The following XRCC4 variants were observed in gnomAD, a reference collection of about 807,000 sequenced individuals.
XRCC4 encodes the protein X-ray repair cross complementing 4, also known as DNA repair protein XRCC4.
Under a neutral mutation model 39.1 loss-of-function variants are expected in XRCC4, and 28 were observed. The ratio of observed to expected loss-of-function variants is 0.72; its 90% CI spans 0.53 to 0.98. The LOEUF (loss-of-function observed/expected upper bound fraction) is 0.98. XRCC4 is among the 50% of genes least tolerant of loss of function. XRCC4 has a pLI of 0.00. For missense variants in XRCC4, 350 were observed against 376.4 expected (o/e 0.93, Z 0.58); for synonymous variants, 123 against 126.4 (o/e 0.97, Z 0.18).
chr5:83,345,235 T>A (rs1475898924), intron 7 of XRCC4, among the ~76,000 whole-genome samples: 2 of 152,168 alleles, frequency 1.3e-5, no homozygotes, highest in African/African-American at 2.4e-5. Context: ...ATTCAGTGTA[T>A]CAATCTTTAT....
At chr5:83,281,647 A>T (rs1754543627) in intron 7 of XRCC4, among the ~76,000 whole-genome samples, 1 of 152,090 alleles carries the variant, frequency 6.6e-6, no homozygotes, top group Non-Finnish European at 1.5e-5. Context: ...TCTTAAATTT[A>T]CTACAGTTTC....
intron 6 of XRCC4, among the ~76,000 whole-genome samples, chr5:83,240,598 T>C (rs553898116): frequency 3.9e-5 from 6 of 152,248 alleles, no homozygotes; most frequent in Admixed American, 3.9e-4. Flanking sequence ...TGCTTACATA[T>C]TGAACTCTTA....
intron 7 of XRCC4, among the ~76,000 whole-genome samples, chr5:83,268,644 G>A (rs1419210445): frequency 6.6e-6 from 1 of 152,112 alleles, no homozygotes; most frequent in Non-Finnish European, 1.5e-5. Context: ...CTGGACATGT[G>A]TTTTGATTGT....
intron 3 of XRCC4, among the ~76,000 whole-genome samples, chr5:83,178,447 G>A (rs1750059179): frequency 6.6e-6 from 1 of 152,056 alleles, no homozygotes; most frequent in Non-Finnish European, 1.5e-5. Context: ...TCACAGGGCT[G>A]GCACCAAAAC....
chr5:83,372,815 G>A, the XRCC4 span, among the ~76,000 whole-genome samples: 6 of 152,216 alleles, frequency 3.9e-5, no homozygotes, highest in East Asian at 5.8e-4. Flanking sequence ...GCCACTGGAC[G>A]ATCATTTAAA....
At chr5:83,139,108 T>C (rs1748039378) in intron 3 of XRCC4, among the ~76,000 whole-genome samples, 1 of 152,166 alleles carries the variant, frequency 6.6e-6, no homozygotes, top group Non-Finnish European at 1.5e-5. Flanking sequence ...AAGATCTTTT[T>C]CTTGTCTAGC....
intron 3 of XRCC4, among the ~76,000 whole-genome samples, chr5:83,182,220 C>A (rs1750238435): frequency 6.6e-6 from 1 of 152,024 alleles, no homozygotes; most frequent in African/African-American, 2.4e-5. Flanking sequence ...TATTTAATAC[C>A]CTCCTCTGCA....
intron 6 of XRCC4, among the ~76,000 whole-genome samples, chr5:83,249,666 G>T (rs1162021282): frequency 6.6e-6 from 1 of 151,998 alleles, no homozygotes. Flanking sequence ...TTAGTGATCA[G>T]AGAGAGAGAG....
At chr5:83,312,969 C>T (rs770113072) in intron 7 of XRCC4, among the ~76,000 whole-genome samples, 123 of 152,082 alleles carry the variant, frequency 8.1e-4, no homozygotes, top group South Asian at 4.2e-4. Flanking sequence ...ATTCATTTTG[C>T]GGATGCTGAG....
chr5:83,250,728 C>A (rs943958568), intron 6 of XRCC4, among the ~76,000 whole-genome samples: 2 of 152,254 alleles, frequency 1.3e-5, no homozygotes, highest in Middle Eastern at 3.4e-3. Context: ...CGTGAGCTAG[C>A]CCTTTAATTT....
At chr5:83,152,660 GAACTTCAAAT>G (rs1748768736) in intron 3 of XRCC4, among the ~76,000 whole-genome samples, 2 of 146,416 alleles carry the variant, frequency 1.4e-5, no homozygotes, top group Non-Finnish European at 3.0e-5. Flanking sequence ...AAAAGAAATA[GAACTTCAAAT>G]ATATTTCAAA....
At chr5:83,135,680 C>T (rs1022695612) in intron 3 of XRCC4, among the ~76,000 whole-genome samples, 3 of 151,974 alleles carry the variant, frequency 2.0e-5, no homozygotes, top group Non-Finnish European at 2.9e-5. Flanking sequence ...TCTTTACATT[C>T]GCTAATCTTT....
At chr5:83,205,688 T>G (rs1252583924) in intron 6 of XRCC4, among the ~76,000 whole-genome samples, 2 of 152,164 alleles carry the variant, frequency 1.3e-5, no homozygotes, top group Non-Finnish European at 2.9e-5. Flanking sequence ...CACAAAAATC[T>G]GTGCCATTGT....
At chr5:83,124,136 CTTG>C (rs765135578) in intron 3 of XRCC4, among the ~76,000 whole-genome samples, 7 of 152,016 alleles carry the variant, frequency 4.6e-5, no homozygotes, top group Non-Finnish European at 8.8e-5. Flanking sequence ...TTTTATTGTT[CTTG>C]TTGTTGTTTC....
intron 1 of XRCC4, among the ~76,000 whole-genome samples, chr5:83,081,908 T>C (rs564181055): frequency 6.6e-6 from 1 of 152,290 alleles, no homozygotes; most frequent in South Asian, 2.1e-4. Context: ...ACTCCTTTCC[T>C]CCCAAACCTT....
At chr5:83,112,657 A>G (rs886737863) in intron 3 of XRCC4, among the ~76,000 whole-genome samples, 4 of 152,180 alleles carry the variant, frequency 2.6e-5, no homozygotes, top group South Asian at 4.1e-4. Flanking sequence ...ACAGTTCCAT[A>G]TGGCTGGGGA....
Position 83,193,621 on chromosome 5 carries a change from G to A in XRCC4, c.316-2149G>A, listed in dbSNP as rs553948861. Among the ~76,000 whole-genome samples the A allele has an allele frequency of 4.9e-4, 75 of 152,220 alleles. 1 individual carries two copies. The highest frequency in any genetic ancestry group is 1.8e-3 in the African/African-American group (74 of 41,554). Reference sequence around the variant, plus strand: ...GATAGAAGTGTAGAGGGCTGGACTTGTTTATCTCTTCATTTGTATTTTACT... The same window carrying A: ...GATAGAAGTGTAGAGGGCTGGACTTATTTATCTCTTCATTTGTATTTTACT... On this transcript the variant is annotated intron_variant, in intron 3 of 7. Coordinates refer to ENST00000396027, the MANE Select transcript of XRCC4 (RefSeq NM_003401.5).
At chr5:83,283,010 A>T (rs1754601068) in intron 7 of XRCC4, among the ~76,000 whole-genome samples, 1 of 151,174 alleles carries the variant, frequency 6.6e-6, no homozygotes, top group East Asian at 1.9e-4. Context: ...TGTGTTTTCC[A>T]TATTGTCTAC....
intron 7 of XRCC4, chr5:83,259,078 CCTT>C (rs1445915195): frequency 5.4e-6 from 1 of 184,498 alleles, no homozygotes; most frequent in Non-Finnish European, 1.1e-5. Context: ...TAAAATGTCT[CCTT>C]CTCATCATCT....
Sources: allele counts gnomAD v4.1 joint callset (sites outside exome capture counted in the v4.1 genomes callset), GRCh38; gene constraint gnomAD v4.1.1; transcripts MANE v1.5; gene names NCBI Gene and HGNC (gene_info 2026-07-23, HGNC 2026-07-21).